The following CSMD2 variants were observed in gnomAD, a reference collection of about 807,000 sequenced individuals.
CSMD2 encodes the protein CUB and sushi domain-containing protein 2.
CSMD2 carries 130 observed loss-of-function variants against 398.5 expected under a neutral mutation model. That is an observed-to-expected ratio of 0.33 (90% CI 0.28 to 0.38). CSMD2 has a LOEUF of 0.38. Ranked by LOEUF, CSMD2 falls within the 10% of genes least tolerant of loss-of-function variation. CSMD2 has a pLI of 1.00. For synonymous variants in CSMD2, 1,828 were observed against 1,908.5 expected, an observed-to-expected ratio of 0.96 and a Z score of 1.10; for missense variants, 3,829 against 4,764.9, an observed-to-expected ratio of 0.80 and a Z score of 5.78.
chr1:34,152,929 C>T (rs1204074389), intron 1 of CSMD2, among the ~76,000 whole-genome samples: 1 of 152,186 alleles, frequency 6.6e-6, no homozygotes, highest in Non-Finnish European at 1.5e-5. Flanking sequence ...TATTTTCTGT[C>T]TCTATGAATT....
chr1:33,556,866 A>G (rs1658033231), intron 55 of CSMD2, among the ~76,000 whole-genome samples: 1 of 152,162 alleles, frequency 6.6e-6, no homozygotes, highest in Admixed American at 6.5e-5. Context: ...CATGTGAAGA[A>G]GGACATGTTT....
At chr1:33,561,679 C>G (rs1361436736) in intron 53 of CSMD2, among the ~76,000 whole-genome samples, 2 of 152,184 alleles carry the variant, frequency 1.3e-5, no homozygotes, top group African/African-American at 4.8e-5. Context: ...TGGACCGTGG[C>G]TTTTACCCTC....
chr1:33,893,943 G>A (rs192510315), intron 5 of CSMD2, among the ~76,000 whole-genome samples: 25 of 152,346 alleles, frequency 1.6e-4, no homozygotes, highest in African/African-American at 5.5e-4. Context: ...CTCACTGGCT[G>A]CAGCCTGCTA....
chr1:33,931,077 G>C (rs1644298544), intron 4 of CSMD2, among the ~76,000 whole-genome samples: 1 of 152,230 alleles, frequency 6.6e-6, no homozygotes, highest in Non-Finnish European at 1.5e-5. Context: ...GGGTAACCCA[G>C]GCTAGTAATT....
At chr1:33,842,257 C>T (rs1176364236) in intron 6 of CSMD2, among the ~76,000 whole-genome samples, 1 of 152,192 alleles carries the variant, frequency 6.6e-6, no homozygotes, top group African/African-American at 2.4e-5. Flanking sequence ...TTGGTCTGTC[C>T]CTTCCTTTTC....
chr1:33,757,329 T>A (rs1299073343), intron 13 of CSMD2, among the ~76,000 whole-genome samples: 2 of 151,820 alleles, frequency 1.3e-5, no homozygotes, highest in Non-Finnish European at 2.9e-5. Context: ...ATCATGAGAG[T>A]CAGTTTGGAT....
chr1:33,548,823 T>TG (rs35313799), intron 56 of CSMD2, among the ~76,000 whole-genome samples: 31,968 of 152,158 alleles, frequency 0.21, 3,513 homozygotes, highest in East Asian at 0.36. Flanking sequence ...ACATGACCCT[T>TG]GTCCTCTCAT....
chr1:34,060,315 G>A (rs1046849166), intron 2 of CSMD2, among the ~76,000 whole-genome samples: 3 of 152,158 alleles, frequency 2.0e-5, no homozygotes, highest in African/African-American at 7.2e-5. Context: ...TGTTATCAGT[G>A]GTTCTTTCTG....
intron 10 of CSMD2, among the ~76,000 whole-genome samples, chr1:33,806,967 C>T (rs998434349): frequency 4.6e-5 from 7 of 152,050 alleles, no homozygotes; most frequent in Non-Finnish European, 8.8e-5. Flanking sequence ...AACATTTTCC[C>T]AAGCTGATGA....
At chr1:34,026,722 G>A (rs1649699446) in intron 3 of CSMD2, among the ~76,000 whole-genome samples, 1 of 152,232 alleles carries the variant, frequency 6.6e-6, no homozygotes, top group Non-Finnish European at 1.5e-5. Context: ...TGCAACAGTT[G>A]GGAGTTGTGT....
intron 29 of CSMD2, among the ~76,000 whole-genome samples, chr1:33,645,600 A>G (rs1320642681): frequency 6.6e-6 from 1 of 152,206 alleles, no homozygotes; most frequent in Non-Finnish European, 1.5e-5. Context: ...AGCGTAGAAG[A>G]CAGTGGAGTG....
At chr1:33,841,966 C>T (rs1660896045) in intron 6 of CSMD2, among the ~76,000 whole-genome samples, 1 of 152,088 alleles carries the variant, frequency 6.6e-6, no homozygotes, top group Non-Finnish European at 1.5e-5. Context: ...TATCTCTAGC[C>T]CAGACCCTTC....
chr1:33,836,667 G>A (rs1204111615), intron 6 of CSMD2, among the ~76,000 whole-genome samples: 4 of 152,192 alleles, frequency 2.6e-5, no homozygotes, highest in African/African-American at 7.2e-5. Context: ...TGAGCCATGC[G>A]TGGGATATAA....
At chr1:34,063,957 G>A (rs1014126701) in intron 2 of CSMD2, among the ~76,000 whole-genome samples, 1 of 152,222 alleles carries the variant, frequency 6.6e-6, no homozygotes, top group Non-Finnish European at 1.5e-5. Context: ...GCCAAGGCTT[G>A]GGGCTTCCAC....
chr1:33,942,114 C>T lies in CSMD2; in HGVS notation c.518-6160G>A, dbSNP rs758831662. On this transcript the variant is annotated intron_variant, in intron 3 of 70. Transcript: ENST00000373381. ...TTATTTAATCCTCCCAACAACCTAT[C>T]GAGAGAGGTGCTATTATTATCATCA... 3.1e-4 allele frequency among the ~76,000 whole-genome samples: 47 copies of T among 152,304 alleles called. 1 individual carries two copies. Among genetic ancestry groups the T allele is most frequent in the Middle Eastern group, 3.4e-3 (1 of 294 alleles).
chr1:33,902,002 T>C (rs1398570696), intron 5 of CSMD2, among the ~76,000 whole-genome samples: 1 of 152,170 alleles, frequency 6.6e-6, no homozygotes, highest in African/African-American at 2.4e-5. Flanking sequence ...TAAATCTATT[T>C]CAGAACACCC....
At chr1:34,011,341 CA>C (rs1264699299) in intron 3 of CSMD2, among the ~76,000 whole-genome samples, 1 of 152,122 alleles carries the variant, frequency 6.6e-6, no homozygotes, top group Admixed American at 6.5e-5. Context: ...TCAAAACTGA[CA>C]AAAGTCCGGA....
At chr1:33,920,542 C>CAAAAA (rs58865984) in intron 4 of CSMD2, among the ~76,000 whole-genome samples, 930 of 83,702 alleles carry the variant, frequency 0.011, 24 homozygotes, top group African/African-American at 0.027. Context: ...CAATCTGTCT[C>CAAAAA]AAAAAAAAAA....
intron 32 of CSMD2, among the ~76,000 whole-genome samples, chr1:33,631,573 A>G (rs1642470600): frequency 2.6e-5 from 4 of 152,136 alleles, no homozygotes; most frequent in African/African-American, 9.6e-5. Flanking sequence ...TAGAAAACAT[A>G]ATGGGGGAAA....
Sources: allele counts gnomAD v4.1 joint callset (sites outside exome capture counted in the v4.1 genomes callset), GRCh38; gene constraint gnomAD v4.1.1; transcripts MANE v1.5; gene names NCBI Gene and HGNC (gene_info 2026-07-23, HGNC 2026-07-21).